The following C14orf39 variants were observed in gnomAD, a reference collection of about 807,000 sequenced individuals.
C14orf39 encodes the protein chromosome 14 open reading frame 39, also known as protein SIX6OS1.
In C14orf39, 66 loss-of-function variants were observed where a neutral mutation model predicts 85.6. That is an observed-to-expected ratio of 0.77 (90% CI 0.63 to 0.95). The LOEUF (loss-of-function observed/expected upper bound fraction) is 0.95, where lower values mean the gene tolerates loss of function less well. C14orf39 is among the 40% of genes least tolerant of loss of function. The probability of loss-of-function intolerance (pLI) is 0.00; values close to 1 mark genes in which losing one functional copy is unlikely to be tolerated. For synonymous variants in C14orf39, 242 were observed against 214.0 expected, an observed-to-expected ratio of 1.13 and a Z score of -1.14; for missense variants, 735 against 663.9, an observed-to-expected ratio of 1.11 and a Z score of -1.18.
chr14:60,476,405 G>A (rs752016543), intron 5 of C14orf39, among the ~76,000 whole-genome samples: 23 of 152,166 alleles, frequency 1.5e-4, no homozygotes, highest in Non-Finnish European at 3.1e-4. Context: ...TTTCATGAAT[G>A]ACTTGAACAG....
intron 2 of C14orf39, among the ~76,000 whole-genome samples, chr14:60,497,391 G>GCA (rs869262738): frequency 2.3e-4 from 15 of 64,338 alleles, no homozygotes; most frequent in Admixed American, 1.0e-3. Context: ...CAGGCCCAAT[G>GCA]CACACACACA....
intron 4 of C14orf39, among the ~76,000 whole-genome samples, chr14:60,480,888 T>C (rs898689769): frequency 6.6e-5 from 10 of 152,112 alleles, no homozygotes; most frequent in Non-Finnish European, 1.0e-4. Flanking sequence ...CAGTTATATG[T>C]AGTATCTAAA....
intron 7 of C14orf39, among the ~76,000 whole-genome samples, chr14:60,469,939 T>TG (rs888003232): frequency 1.3e-5 from 2 of 150,348 alleles, no homozygotes; most frequent in African/African-American, 4.9e-5. Context: ...GTTTTTTTTT[T>TG]TTTTTTTTTG....
At chr14:60,455,198 T>C (rs1193977475) in intron 15 of C14orf39, 53 bp from the exon 16 acceptor site, 8 of 1,303,690 alleles carry the variant, frequency 6.1e-6, no homozygotes, top group African/African-American at 1.5e-5. Context: ...AAACACTGAA[T>C]ACTGGTAAGC....
At chr14:60,441,984 T>C in intron 17 of C14orf39, 90 bp downstream of exon 17, 1 of 809,690 alleles carries the variant, frequency 1.2e-6, no homozygotes, top group Middle Eastern at 2.4e-4. Context: ...AAAGAATAAA[T>C]TGAGCACCTA....
At chr14:60,479,329 A>T (rs1272907488) in intron 4 of C14orf39, among the ~76,000 whole-genome samples, 2 of 152,186 alleles carry the variant, frequency 1.3e-5, no homozygotes, top group Non-Finnish European at 2.9e-5. Flanking sequence ...TTATACATAC[A>T]TATATTCTCA....
In C14orf39 at chr14:60,495,126, G is replaced by C; in HGVS notation, c.-9+4170C>G. 1.3e-5 allele frequency: 3 copies of C among 231,970 alleles called. No individual in the cohort carries two copies. In the South Asian group the frequency reaches 1.9e-4, roughly 15 times the overall value. The allele number at this position is 231,970 out of a possible 1,614,324, so 14.4% of individuals were successfully genotyped here. ...CTTTGGTAGAAAAAGCTTGGCCATA[G>C]ATCTTACATTGGAACAGTCTCTCCC... is the stretch of plus-strand genomic sequence containing the variant. On this transcript the variant is annotated intron_variant, in intron 2 of 5. Coordinates refer to the C14orf39 transcript ENST00000556799.
chr14:60,458,144 T>G (rs1300890126), intron 14 of C14orf39, among the ~76,000 whole-genome samples: 2 of 152,024 alleles, frequency 1.3e-5, no homozygotes, highest in South Asian at 2.1e-4. Context: ...ATTATTCTCT[T>G]CTAGCTATTT....
chr14:60,511,124 C>G (rs1358529052), intron 1 of C14orf39: 2 of 1,612,746 alleles, frequency 1.2e-6, no homozygotes, highest in Non-Finnish European at 1.7e-6. Context: ...CGGGCGGGCA[C>G]TACGGGCGGA....
intron 16 of C14orf39, among the ~76,000 whole-genome samples, chr14:60,450,357 G>C (rs1890975822): frequency 6.6e-6 from 1 of 152,136 alleles, no homozygotes; most frequent in African/African-American, 2.4e-5. Flanking sequence ...GCTTCGAGTG[G>C]ATATCAGCAG....
intron 7 of C14orf39, among the ~76,000 whole-genome samples, chr14:60,469,929 G>GTTT (rs373485742): frequency 2.7e-4 from 29 of 108,246 alleles, no homozygotes; most frequent in South Asian, 6.6e-4. Context: ...TCACAGGGTA[G>GTTT]TTTTTTTTTT....
intron 11 of C14orf39, among the ~76,000 whole-genome samples, chr14:60,465,438 A>G (rs991683545): frequency 6.6e-6 from 1 of 152,042 alleles, no homozygotes; most frequent in East Asian, 1.9e-4. Flanking sequence ...TCTCTCACCT[A>G]AACTTCCATA....
Position 60,515,194 on chromosome 14 carries a change from C to G in C14orf39, c.-144+201G>C, listed in dbSNP as rs1158572436. ...GGCGGGGAGGCCCCCTGGAGGCCTG[C>G]TGGGAAATGGCGGCTGGAGCGGCGG... On this transcript the variant is annotated intron_variant, in intron 1 of 5. Transcript: ENST00000556799. This position sits in a 1 kb window ranked among gnomAD's most constrained non-coding sequence, Gnocchi z 6.2. 1 of 151,964 alleles carries G rather than the reference C, an allele frequency of 6.6e-6. No individual in the cohort carries two copies. Among genetic ancestry groups the G allele is most frequent in the Non-Finnish European group, 1.5e-5 (1 of 67,986 alleles). The allele number at this position is 151,964 out of a possible 1,614,324, so 9.4% of individuals were successfully genotyped here.
rs994103533 is a variant in C14orf39, at chr14:60,436,600, T to G, written c.*245A>C. ...AAAAAAGCATCAAATTCTATTAAGATTAATAAAAGTTCTACCTGACCACGG... is the reference window on the plus strand; with the variant it reads ...AAAAAAGCATCAAATTCTATTAAGAGTAATAAAAGTTCTACCTGACCACGG... On this transcript the variant is annotated 3_prime_UTR_variant, in exon 18 of 18. Transcript: ENST00000321731. 1.1e-5 allele frequency: 3 copies of G among 282,806 alleles called. No homozygotes were observed. The highest frequency in any genetic ancestry group is 6.6e-5 in the African/African-American group (3 of 45,166). 17.5% of individuals were successfully genotyped at this position (282,806 alleles called of 1,614,324 possible). A position where few individuals can be genotyped will look rare whatever the true frequency, so the allele number is the denominator to read the frequency against.
At chr14:60,499,624 C>A (rs981218948) in intron 1 of C14orf39, among the ~76,000 whole-genome samples, 7 of 152,096 alleles carry the variant, frequency 4.6e-5, no homozygotes, top group African/African-American at 1.7e-4. Context: ...TTATAACTGG[C>A]AAGGTTGGCA....
At chr14:60,513,993 T>C (rs1893328622) in intron 1 of C14orf39, among the ~76,000 whole-genome samples, 1 of 152,254 alleles carries the variant, frequency 6.6e-6, no homozygotes, top group South Asian at 2.1e-4. Context: ...AATTTCACTT[T>C]AGAATCTTAA....
intron 1 of C14orf39, among the ~76,000 whole-genome samples, chr14:60,501,964 T>C (rs1452681935): frequency 1.3e-5 from 2 of 152,198 alleles, no homozygotes; most frequent in African/African-American, 4.8e-5. Context: ...TCCCTACATC[T>C]ATCCCATAGG....
intron 1 of C14orf39, chr14:60,509,333 C>T (rs1893253121): frequency 2.9e-6 from 4 of 1,383,334 alleles, no homozygotes; most frequent in Non-Finnish European, 4.1e-6. Flanking sequence ...CTCAGCCAGG[C>T]CCGCGGGCAT....
intron 13 of C14orf39, among the ~76,000 whole-genome samples, chr14:60,461,052 T>G (rs985977211): frequency 6.6e-5 from 10 of 151,864 alleles, no homozygotes; most frequent in Non-Finnish European, 1.5e-4. Flanking sequence ...ATTATGTATA[T>G]GATTCAAACT....
Sources: gnomAD v4.1 joint callset for allele counts (sites outside exome capture counted in the v4.1 genomes callset) on GRCh38, gnomAD v4.1.1 for gene constraint, Gnocchi (gnomAD v3.1) non-coding constraint, MANE v1.5 for transcripts, NCBI Gene and HGNC (gene_info 2026-07-23, HGNC 2026-07-21) for gene names.